Variants in TRAPPC9 observed in about 807,000 individuals in gnomAD.
The protein encoded by TRAPPC9 is IKK2 binding protein.
Under a neutral mutation model 124.0 loss-of-function variants are expected in TRAPPC9, and 83 were observed. The ratio of observed to expected loss-of-function variants is 0.67; its 90% CI spans 0.56 to 0.80. The LOEUF (loss-of-function observed/expected upper bound fraction) is 0.80. TRAPPC9 is among the 30% of genes least tolerant of loss of function. The pLI is 0.00. For missense variants in TRAPPC9, 1,302 were observed against 1,508.3 expected, an observed-to-expected ratio of 0.86 and a Z score of 2.27; for synonymous variants, 638 against 617.5, an observed-to-expected ratio of 1.03 and a Z score of -0.49.
chr8:140,371,211 T>G (rs770627004), intron 7 of TRAPPC9, 31 bp from the exon 8 acceptor site: 1 of 1,568,002 alleles, frequency 6.4e-7, no homozygotes, highest in Non-Finnish European at 8.7e-7. Context: ...AAAAAGCTTT[T>G]GAAAGAAACG....
chr8:140,223,741 T>C (rs1287018697), intron 16 of TRAPPC9, among the ~76,000 whole-genome samples: 3 of 143,020 alleles, frequency 2.1e-5, no homozygotes, highest in Admixed American at 1.4e-4. Context: ...AGTTCATAAT[T>C]TAAAAAAAAA....
chr8:140,015,828 G>C (rs1256144250), intron 18 of TRAPPC9, among the ~76,000 whole-genome samples: 1 of 151,928 alleles, frequency 6.6e-6, no homozygotes, highest in Non-Finnish European at 1.5e-5. Context: ...ATATAAACGG[G>C]GTCATCCCTT....
At chr8:140,191,177 C>T (rs752314817) in intron 17 of TRAPPC9, among the ~76,000 whole-genome samples, 4 of 152,098 alleles carry the variant, frequency 2.6e-5, no homozygotes, top group Non-Finnish European at 5.9e-5. Context: ...TATTGAGGGC[C>T]GACAACGTGC....
intron 7 of TRAPPC9, among the ~76,000 whole-genome samples, chr8:140,396,290 C>T (rs959768283): frequency 6.6e-6 from 1 of 151,876 alleles, no homozygotes; most frequent in African/African-American, 2.4e-5. Flanking sequence ...TACAAGCACC[C>T]GCCACCACGC....
In TRAPPC9 at chr8:140,283,796, T is replaced by C. The variant is rs1588090946; in HGVS notation, c.2114+93A>G. ...TCACCTATATTCTGGTCATAAGAATTACAGGCTCTTTGTGCCATTAAAAAA... is the reference window on the plus strand; with the variant it reads ...TCACCTATATTCTGGTCATAAGAATCACAGGCTCTTTGTGCCATTAAAAAA... On this transcript the variant is annotated intron_variant, in intron 14 of 22. Transcript: ENST00000438773. The C allele has an allele frequency of 3.6e-6, 5 of 1,375,166 alleles. No homozygotes were observed. The East Asian group carries it at 1.1e-4, about 31-fold the overall frequency. The allele number at this position is 1,375,166 out of a possible 1,614,324, so 85.2% of individuals were successfully genotyped here.
At chr8:140,417,929 G>C (rs970634416) in intron 5 of TRAPPC9, among the ~76,000 whole-genome samples, 9 of 152,164 alleles carry the variant, frequency 5.9e-5, no homozygotes, top group Non-Finnish European at 1.2e-4. Context: ...GATGCAGCTA[G>C]AAACCATCAT....
At chr8:139,983,606 G>A (rs951719777) in intron 19 of TRAPPC9, among the ~76,000 whole-genome samples, 2 of 152,108 alleles carry the variant, frequency 1.3e-5, no homozygotes, top group African/African-American at 4.8e-5. Flanking sequence ...GGAAATACTT[G>A]GTGAATTAAC....
intron 18 of TRAPPC9, among the ~76,000 whole-genome samples, chr8:140,009,870 C>A (rs1316261410): frequency 1.3e-5 from 2 of 152,200 alleles, no homozygotes; most frequent in African/African-American, 4.8e-5. Flanking sequence ...TCATTGCTGT[C>A]TTCAGTGCCT....
Position 139,776,574 on chromosome 8 carries a change from G to C in TRAPPC9, c.3056-44372C>G, listed in dbSNP as rs575645996. ...ACAGCTGACCACCCAGGCCTCATTC[G>C]CAGCTGTGTTCTGAACCTGGACTCC... is the stretch of plus-strand genomic sequence containing the variant. On this transcript the variant is annotated intron_variant, in intron 21 of 22. Coordinates refer to ENST00000438773, the MANE Select transcript of TRAPPC9 (RefSeq NM_001160372.4). This position sits in a 1 kb window ranked among gnomAD's most constrained non-coding sequence, Gnocchi z 4.1. Among the ~76,000 whole-genome samples the C allele has an allele frequency of 6.6e-6, 1 of 152,146 alleles. No individual in the cohort carries two copies. Among genetic ancestry groups the C allele is most frequent in the Non-Finnish European group, 1.5e-5 (1 of 68,026 alleles).
chr8:140,320,333 T>G (rs2066560033), intron 9 of TRAPPC9, among the ~76,000 whole-genome samples: 1 of 152,180 alleles, frequency 6.6e-6, no homozygotes, highest in Non-Finnish European at 1.5e-5. Context: ...CTGACGCATC[T>G]TTATTTGTAC....
In TRAPPC9 at chr8:140,182,838, C is replaced by T. The variant is rs779919884; in HGVS notation, c.2556+38621G>A. Among the ~76,000 whole-genome samples the T allele has an allele frequency of 6.6e-6, 1 of 152,126 alleles. No homozygotes were observed. The highest frequency in any genetic ancestry group is 1.5e-5 in the Non-Finnish European group (1 of 68,022). ...CCCTTCTCTGCCCGTCTATGCGTCC[C>T]CCAAACTGTGGCTCAACCACCAGCT... On this transcript the variant is annotated intron_variant, in intron 17 of 22. Transcript: ENST00000438773. The surrounding 1 kb of genome is among the most constrained non-coding windows in gnomAD (Gnocchi z 4.0).
At chr8:140,379,750 T>C (rs1250325033) in intron 7 of TRAPPC9, among the ~76,000 whole-genome samples, 2 of 152,210 alleles carry the variant, frequency 1.3e-5, no homozygotes, top group Non-Finnish European at 2.9e-5. Flanking sequence ...GGACAATCTA[T>C]ACGCTTAATA....
At chr8:140,144,291 T>TATTG (rs1177166604) in intron 17 of TRAPPC9, among the ~76,000 whole-genome samples, 3 of 152,208 alleles carry the variant, frequency 2.0e-5, no homozygotes, top group African/African-American at 7.2e-5. Context: ...ATCTTCAAAA[T>TATTG]ATTGAGTCTT....
Position 139,959,495 on chromosome 8 carries a change from G to A in TRAPPC9, c.2810+29231C>T, listed in dbSNP as rs1835232874. Among the ~76,000 whole-genome samples the A allele has an allele frequency of 2.0e-5, 3 of 152,190 alleles. No individual in the cohort carries two copies. In the South Asian group the frequency reaches 6.2e-4, roughly 31 times the overall value. ...CCCACAGCTGGTGAGAGGTGAAGCT[G>A]AGCCGTGGACCTTGAGCTGTTGGGC... On this transcript the variant is annotated intron_variant, in intron 19 of 22. Transcript: ENST00000438773.
chr8:140,370,437 GC>G (rs2068249334), intron 8 of TRAPPC9, among the ~76,000 whole-genome samples: 1 of 152,072 alleles, frequency 6.6e-6, no homozygotes, highest in Admixed American at 6.5e-5. Context: ...ACCGTGCCTG[GC>G]CCCCAAAAAT....
intron 7 of TRAPPC9, among the ~76,000 whole-genome samples, chr8:140,380,654 C>CAA (rs563391017): frequency 3.2e-3 from 154 of 48,400 alleles, no homozygotes; most frequent in East Asian, 6.6e-3. Context: ...GACTCTGTCT[C>CAA]AAAAAAAAAA....
intron 7 of TRAPPC9, among the ~76,000 whole-genome samples, chr8:140,373,166 C>T (rs1459655947): frequency 6.6e-6 from 1 of 152,262 alleles, no homozygotes; most frequent in Non-Finnish European, 1.5e-5. Context: ...CAAGCTAAGA[C>T]TCCTACCCCT....
At chr8:140,192,427 G>A (rs544117054) in intron 17 of TRAPPC9, among the ~76,000 whole-genome samples, 6 of 152,292 alleles carry the variant, frequency 3.9e-5, no homozygotes, top group East Asian at 1.9e-4. Flanking sequence ...CAGTCAACAG[G>A]CCCAATCGTC....
chr8:139,841,158 C>A (rs1171978431), intron 21 of TRAPPC9, among the ~76,000 whole-genome samples: 3 of 152,190 alleles, frequency 2.0e-5, no homozygotes, highest in Non-Finnish European at 4.4e-5. Flanking sequence ...CATCCCCTCG[C>A]CCCCGGCTCC....
Sources: allele counts gnomAD v4.1 joint callset (sites outside exome capture counted in the v4.1 genomes callset), GRCh38; gene constraint gnomAD v4.1.1; non-coding constraint Gnocchi (gnomAD v3.1); transcripts MANE v1.5; gene names NCBI Gene and HGNC (gene_info 2026-07-23, HGNC 2026-07-21).